DHCR7: variants seen among roughly 807,000 people sequenced by gnomAD.
DHCR7 encodes the protein 7-dehydrocholesterol reductase.
Under a neutral mutation model 43.3 loss-of-function variants are expected in DHCR7, and 40 were observed. The observed-to-expected ratio is 0.92, with a 90% CI of 0.72 to 1.20. DHCR7 has a LOEUF of 1.20. Among genes scored for constraint, DHCR7 ranks in the 50% most tolerant of loss-of-function variants. The pLI is 0.00. For synonymous variants in DHCR7, 298 were observed against 271.4 expected (o/e 1.10, Z -0.96); for missense variants, 608 against 644.6 (o/e 0.94, Z 0.62).
intron 2 of DHCR7, chr11:71,428,870 A>G (rs1166954197): frequency 4.4e-6 from 2 of 456,272 alleles, no homozygotes; most frequent in Admixed American, 4.7e-5. Flanking sequence ...GCAAGTCAAG[A>G]ATTCTTTCTC....
intron 3 of DHCR7, among the ~76,000 whole-genome samples, chr11:71,444,592 C>T (rs976437095): frequency 3.9e-5 from 6 of 152,186 alleles, no homozygotes; most frequent in Non-Finnish European, 7.3e-5. Context: ...AGGTCATACC[C>T]CCAGATGGTG....
chr11:71,432,589 T>C (rs980288601), downstream of DHCR7, among the ~76,000 whole-genome samples: 5 of 152,252 alleles, frequency 3.3e-5, no homozygotes, highest in Non-Finnish European at 7.3e-5. Context: ...TTAGCAATTT[T>C]GAAATATATA....
chr11:71,438,321 C>T (rs954801569), intron 7 of DHCR7, among the ~76,000 whole-genome samples: 1 of 152,206 alleles, frequency 6.6e-6, no homozygotes, highest in African/African-American at 2.4e-5. Flanking sequence ...TCCTAGCCAG[C>T]TCCCGCTGGC....
chr11:71,442,414 A>G lies in DHCR7; in HGVS notation c.322-61T>C, dbSNP rs1008415616. 2.7e-6 allele frequency: 3 copies of G among 1,096,124 alleles called. No individual in the cohort carries two copies. In the African/African-American group the frequency reaches 4.5e-5, roughly 17 times the overall value. The allele number at this position is 1,096,124 out of a possible 1,614,324, so 67.9% of individuals were successfully genotyped here. ...GGAGGGCACCTGCAAAGGGGGACGC[A>G]TAGCAGGAACATGAGAATCACAATC... On this transcript the variant is annotated intron_variant, in intron 4 of 8. Transcript: ENST00000355527.
In DHCR7 at chr11:71,444,939, G is replaced by GAC; in HGVS notation, c.13_14insGT (p.Ser5CysfsTer12). On this transcript the variant is annotated frameshift_variant, in exon 3 of 9. Coordinates refer to ENST00000355527, the MANE Select transcript of DHCR7 (RefSeq NM_001360.3). LOFTEE classifies it high-confidence loss of function. Reference sequence around the variant, plus strand: ...CTTGGCTTTGGGAATGTTGGGTTGCGATTTTGCAGCCATTGGGCCCTGCAA... The same window carrying GAC: ...CTTGGCTTTGGGAATGTTGGGTTGCGACATTTTGCAGCCATTGGGCCCTGCAA... 1 of 1,614,164 alleles carries GAC rather than the reference G, an allele frequency of 6.2e-7. No homozygotes were observed. The highest frequency in any genetic ancestry group is 8.5e-7 in the Non-Finnish European group (1 of 1,180,020).
chr11:71,447,452 AACAG>A (rs1382971872), intron 2 of DHCR7, among the ~76,000 whole-genome samples, 154 bp downstream of exon 2: 1 of 152,216 alleles, frequency 6.6e-6, no homozygotes, highest in Non-Finnish European at 1.5e-5. Context: ...GACGGCTGGG[AACAG>A]ACAAAGGGGA....
intron 2 of DHCR7, chr11:71,428,962 A>G (rs2135936434): frequency 2.3e-6 from 1 of 426,298 alleles, no homozygotes; most frequent in East Asian, 7.0e-5. Flanking sequence ...CTCCTCACTT[A>G]TCTAAGTCTG....
Position 71,435,333 on chromosome 11 carries a change from C to T in DHCR7, c.*42G>A, listed in dbSNP as rs201871263. ...CAGCCCCCATGGACCTGGCAGAACA[C>T]GCTCTTGACAGCCCCACAGGGCTTC... On this transcript the variant is annotated 3_prime_UTR_variant, in exon 9 of 9. Coordinates refer to ENST00000355527, the MANE Select transcript of DHCR7 (RefSeq NM_001360.3). 3.6e-5 allele frequency: 57 copies of T among 1,599,860 alleles called. No homozygotes were observed. Among genetic ancestry groups the T allele is most frequent in the African/African-American group, 2.9e-4 (22 of 74,892 alleles).
intron 3 of DHCR7, among the ~76,000 whole-genome samples, chr11:71,444,640 T>A (rs570187607): frequency 2.0e-5 from 3 of 152,350 alleles, no homozygotes; most frequent in Admixed American, 6.5e-5. Flanking sequence ...TTATCTTTTT[T>A]TCTAAGTTGT....
chr11:71,437,687 C>T (rs1270337542), intron 8 of DHCR7, 125 bp downstream of exon 8: 9 of 1,403,374 alleles, frequency 6.4e-6, no homozygotes, highest in East Asian at 4.9e-5. Flanking sequence ...ATACACGAGG[C>T]CTTCCCTTCT....
intron 4 of DHCR7, 62 bp downstream of exon 4, chr11:71,443,930 AC>A: frequency 7.5e-7 from 1 of 1,333,462 alleles, no homozygotes; most frequent in Non-Finnish European, 1.0e-6. Context: ...TGGAAGGACT[AC>A]CCCAGCAGGA....
chr11:71,432,008 C>T (rs558998125), downstream of DHCR7, among the ~76,000 whole-genome samples: 5 of 152,126 alleles, frequency 3.3e-5, no homozygotes, highest in Non-Finnish European at 5.9e-5. Context: ...ATTGTTTTTA[C>T]AGAGATGGGG....
chr11:71,445,160 CCCA>C (rs1179898815), intron 2 of DHCR7, among the ~76,000 whole-genome samples: 1 of 152,214 alleles, frequency 6.6e-6, no homozygotes, highest in Admixed American at 6.5e-5. Context: ...GCAATCACCT[CCCA>C]CGTGACCTTG....
chr11:71,438,017 C>A, intron 7 of DHCR7, 74 bp from the exon 8 acceptor site: 1 of 1,575,408 alleles, frequency 6.3e-7, no homozygotes, highest in Non-Finnish European at 8.7e-7. Flanking sequence ...AAATCACACT[C>A]CACGCAGATG....
chr11:71,436,472 G>A (rs1565585500), intron 8 of DHCR7, among the ~76,000 whole-genome samples: 1 of 152,196 alleles, frequency 6.6e-6, no homozygotes. Flanking sequence ...AGACCAGCCT[G>A]ACTAACATGG....
Position 71,444,971 on chromosome 11 carries a change from G to A in DHCR7, c.-6-13C>T. On this transcript the variant is annotated splice_polypyrimidine_tract_variant and intron_variant, in intron 2 of 8. Coordinates refer to ENST00000355527, the MANE Select transcript of DHCR7 (RefSeq NM_001360.3). Reference sequence around the variant, plus strand: ...CAGCCATTGGGCCCTGCAAGAAAGAGAACCTTGCTTACATTATCCCTCAAA... The same window carrying A: ...CAGCCATTGGGCCCTGCAAGAAAGAAAACCTTGCTTACATTATCCCTCAAA... 1 of 1,607,330 alleles carries A rather than the reference G, an allele frequency of 6.2e-7. No individual in the cohort carries two copies. The highest frequency in any genetic ancestry group is 1.3e-5 in the African/African-American group (1 of 74,914).
At position 71,435,563 on chromosome 11, in the gene DHCR7, C is replaced by G. The variant is rs755426995; in HGVS notation, c.1240G>C (p.Gly414Arg). The change falls in exon 9 of 9, where the codon GGC (glycine) becomes CGC (arginine). Residue 414 changes from glycine (G) to arginine (R), a missense_variant. Coordinates refer to ENST00000355527, the MANE Select transcript of DHCR7 (RefSeq NM_001360.3). ...CAGGCCAGGCAGTAGGCCAGGCTGC[C>G]CATCAGGTCGCCGACGTAGTTGAAG... is the stretch of plus-strand genomic sequence containing the variant. ...RHFNYVGDLM[G>R]SLAYCLACGG... 1.2e-6 allele frequency: 2 copies of G among 1,610,896 alleles called. No individual in the cohort carries two copies. The highest frequency in any genetic ancestry group is 1.7e-6 in the Non-Finnish European group (2 of 1,179,868).
chr11:71,435,172 G>A lies in DHCR7; in HGVS notation c.*203C>T. On this transcript the variant is annotated 3_prime_UTR_variant, in exon 9 of 9. Coordinates refer to ENST00000355527, the MANE Select transcript of DHCR7 (RefSeq NM_001360.3). ...CCGTCTGTGCTGGCAATACGGCAGT[G>A]CTGGACACTCGGAATTCCCTTGAAG... 1.4e-6 allele frequency: 1 copy of A among 707,364 alleles called. No homozygotes were observed. The highest frequency in any genetic ancestry group is 2.6e-6 in the Non-Finnish European group (1 of 390,854). 43.8% of individuals were successfully genotyped at this position (707,364 alleles called of 1,614,324 possible). A position where few individuals can be genotyped will look rare whatever the true frequency, so the allele number is the denominator to read the frequency against.
Position 71,439,030 on chromosome 11 carries a change from G to C in DHCR7, c.680C>G (p.Pro227Arg). 1 of 1,614,114 alleles carries C rather than the reference G, an allele frequency of 6.2e-7. No individual in the cohort carries two copies. The highest frequency in any genetic ancestry group is 8.5e-7 in the Non-Finnish European group (1 of 1,180,040). Residue 227 changes from proline to arginine, a missense_variant, in exon 7 of 9, where the codon CCT becomes CGT. Physicochemically the swap from Pro to Arg is moderately radical, Grantham distance 103. Coordinates refer to ENST00000355527, the MANE Select transcript of DHCR7 (RefSeq NM_001360.3). ...GAAGTCAAACCACTTCCCGATCCGA[G>C]GGTTAAACTCGATGCCCATCATGTA... ...YNYMMGIEFN[P>R]RIGKWFDFKL... is the part of the protein sequence containing the mutation.
Sources: gnomAD v4.1 joint callset for allele counts (sites outside exome capture counted in the v4.1 genomes callset) on GRCh38, gnomAD v4.1.1 for gene constraint, MANE v1.5 for transcripts, NCBI Gene and HGNC (gene_info 2026-07-23, HGNC 2026-07-21) for gene names.